PLEKHG2: variants seen among roughly 807,000 people sequenced by gnomAD.
PLEKHG2 encodes pleckstrin homology domain-containing family G member 2.
Under a neutral mutation model 104.4 loss-of-function variants are expected in PLEKHG2, and 71 were observed. The observed-to-expected ratio is 0.68, with a 90% CI of 0.56 to 0.83. PLEKHG2 has a LOEUF of 0.83. PLEKHG2 is among the 40% of genes least tolerant of loss of function. PLEKHG2 has a pLI of 0.00. For missense variants in PLEKHG2, 1,730 were observed against 1,809.4 expected (o/e 0.96, Z 0.80); for synonymous variants, 728 against 737.0 (o/e 0.99, Z 0.20).
Position 39,415,013 on chromosome 19 carries a change from C to G in PLEKHG2, c.131C>G (p.Ala44Gly). ...GCAGCTCCTGCAGCCCCCACCATGG[C>G]CTCCCCCCGAGGTTCTGGGAGCTCC... ...TRTAPAAPTM[A>G]SPRGSGSSTS... Residue 44 changes from alanine (A) to glycine (G), a missense_variant, in exon 3 of 19, where the codon GCC becomes GGC. Physicochemically the swap from Ala to Gly is moderately conservative, Grantham distance 60 (BLOSUM62 0). Transcript: ENST00000425673. This position sits in a 1 kb window ranked among gnomAD's most constrained non-coding sequence, Gnocchi z 4.6. The G allele has an allele frequency of 6.3e-7, 1 of 1,596,496 alleles. No homozygotes were observed.
Position 39,423,004 on chromosome 19 carries a change from T to C in PLEKHG2, c.1950T>C (p.Ile650=), listed in dbSNP as rs1312522968. 3.7e-6 allele frequency: 6 copies of C among 1,614,072 alleles called. No homozygotes were observed. Among genetic ancestry groups the C allele is most frequent in the Non-Finnish European group, 5.1e-6 (6 of 1,180,038 alleles). The change falls in exon 18 of 19, where the codon ATT becomes ATC. Residue 650 remains isoleucine, a synonymous_variant. Coordinates refer to ENST00000425673, the MANE Select transcript of PLEKHG2 (RefSeq NM_022835.3). The part of the protein sequence containing the change: ...NLPEIPSRCE[I]PEGSRLPSLS... ...CTGAAATTCCCAGCCGCTGTGAAAT[T>C]CCCGAAGGTTCTCGCCTTCCTAGTC...
Position 39,425,406 on chromosome 19 carries a change from T to C in PLEKHG2, c.*112T>C. 1 of 1,448,404 alleles carries C rather than the reference T, an allele frequency of 6.9e-7. No homozygotes were observed. The allele number at this position is 1,448,404 out of a possible 1,614,324, so 89.7% of individuals were successfully genotyped here. On this transcript the variant is annotated 3_prime_UTR_variant, in exon 19 of 19. Transcript: ENST00000425673. ...CGCAGGCCTCAAAACTGCTGCGGCC[T>C]TCCAACTCCTGGTATCTGCATCGGC...
Position 39,428,092 on chromosome 19 carries a change from C to T in PLEKHG2, c.*2798C>T, listed in dbSNP as rs962553370. On this transcript the variant is annotated 3_prime_UTR_variant, in exon 19 of 19. Coordinates refer to ENST00000425673, the MANE Select transcript of PLEKHG2 (RefSeq NM_022835.3). ...GGCGTGGTGGTGGGTGCCGGTAATCCTAGCTACTCAGGAGGCTGAGGCAGG... is the reference window on the plus strand; with the variant it reads ...GGCGTGGTGGTGGGTGCCGGTAATCTTAGCTACTCAGGAGGCTGAGGCAGG... 6.6e-6 allele frequency: 1 copy of T among 152,110 alleles called. No homozygotes were observed. Among genetic ancestry groups the T allele is most frequent in the African/African-American group, 2.4e-5 (1 of 41,416 alleles). 9.4% of individuals were successfully genotyped at this position (152,110 alleles called of 1,614,324 possible). A position where few individuals can be genotyped will look rare whatever the true frequency, so the allele number is the denominator to read the frequency against.
At chr19:39,421,904 C>A in intron 16 of PLEKHG2, 1 of 403,332 alleles carries the variant, frequency 2.5e-6, no homozygotes, top group Non-Finnish European at 4.3e-6. Context: ...GTAATCCCAG[C>A]TACTCAGGAG....
chr19:39,421,130 G>A lies in PLEKHG2; in HGVS notation c.1486+17G>A, dbSNP rs781735502. On this transcript the variant is annotated intron_variant, in intron 15 of 18. Coordinates refer to ENST00000425673, the MANE Select transcript of PLEKHG2 (RefSeq NM_022835.3). ...CACAGAACGGTCAGTGACTGCCCCG[G>A]TTCAGCCTGGTCCATCCCTGTCTGT... 4.5e-6 allele frequency: 7 copies of A among 1,568,484 alleles called. No homozygotes were observed. The African/African-American group carries it at 6.8e-5, about 15-fold the overall frequency.
At chr19:39,419,387 G>C (rs31724) in intron 11 of PLEKHG2, among the ~76,000 whole-genome samples, 1 of 151,898 alleles carries the variant, frequency 6.6e-6, no homozygotes, top group Non-Finnish European at 1.5e-5. Flanking sequence ...ATTTAAGCCC[G>C]GGAGTTCGAT....
At chr19:39,419,300 A>G (rs2078659700) in intron 11 of PLEKHG2, among the ~76,000 whole-genome samples, 1 of 152,208 alleles carries the variant, frequency 6.6e-6, no homozygotes, top group Admixed American at 6.5e-5. Flanking sequence ...GGCTTGACCA[A>G]TAGAAGCACC....
At chr19:39,417,784 C>T in intron 8 of PLEKHG2, 92 bp downstream of exon 8, 1 of 1,517,552 alleles carries the variant, frequency 6.6e-7, no homozygotes, top group Admixed American at 2.0e-5. Context: ...TCAGAGGTAG[C>T]CTTGGAGGGT....
chr19:39,420,757 C>T lies in PLEKHG2; in HGVS notation c.1304C>T (p.Pro435Leu). ...CCCAAAACTCTCCCCACAGGTGCCC[C>T]CAAAAGTAAGCCTGTCCTAGAGCCC... ...VLLENSLHCA[P>L]KSKPVLEPLT... is the part of the protein sequence containing the mutation. Residue 435 changes from proline (P) to leucine (L), a missense_variant, in exon 13 of 19, where the codon CCC becomes CTC. Transcript: ENST00000425673. 1.2e-6 allele frequency: 2 copies of T among 1,614,138 alleles called. No homozygotes were observed. Among genetic ancestry groups the T allele is most frequent in the Non-Finnish European group, 1.7e-6 (2 of 1,180,014 alleles).
At chr19:39,418,606 C>A in intron 9 of PLEKHG2, 128 bp from the exon 10 acceptor site, 1 of 679,264 alleles carries the variant, frequency 1.5e-6, no homozygotes, top group Non-Finnish European at 2.5e-6. Context: ...AGGAAACCCA[C>A]CATACAGCCT....
intron 8 of PLEKHG2, 22 bp from the exon 9 acceptor site, chr19:39,417,883 G>A (rs758388414): frequency 4.4e-5 from 67 of 1,530,472 alleles, no homozygotes; most frequent in African/African-American, 3.3e-4. Context: ...GCGCCCCGGC[G>A]CACCTGGCGG....
chr19:39,417,695 G>T lies in PLEKHG2; in HGVS notation c.882+3G>T. 1 of 1,612,774 alleles carries T rather than the reference G, an allele frequency of 6.2e-7. No homozygotes were observed. The highest frequency in any genetic ancestry group is 8.5e-7 in the Non-Finnish European group (1 of 1,179,772). On this transcript the variant is annotated splice_donor_region_variant and intron_variant, in intron 8 of 18. Coordinates refer to ENST00000425673, the MANE Select transcript of PLEKHG2 (RefSeq NM_022835.3). ...AGGAGCATGCAGCGCGCCTCCAGGTGGCCCCAGGGTGGGCTGGGGCTTGCT... is the reference window on the plus strand; with the variant it reads ...AGGAGCATGCAGCGCGCCTCCAGGTTGCCCCAGGGTGGGCTGGGGCTTGCT...
Position 39,424,937 on chromosome 19 carries a change from GCTC to G in PLEKHG2, c.3807_3809del (p.Leu1270del). The stretch of plus-strand genomic sequence containing the variant: ...ATAGTCCCCCACCTTCCAGCCGTCA[GCTC>G]CTGGGCCCCAATGCAGCTGCCCTCT... On this transcript the variant is annotated inframe_deletion, in exon 19 of 19. Transcript: ENST00000425673. The G allele has an allele frequency of 1.9e-6, 3 of 1,614,224 alleles. No individual in the cohort carries two copies. Among genetic ancestry groups the G allele is most frequent in the Non-Finnish European group, 2.5e-6 (3 of 1,180,042 alleles).
chr19:39,419,616 G>T (rs940150751), intron 11 of PLEKHG2, among the ~76,000 whole-genome samples: 2 of 151,210 alleles, frequency 1.3e-5, no homozygotes, highest in African/African-American at 4.8e-5. Context: ...GGTGGCTCAT[G>T]CCTGTAATCC....
In PLEKHG2 at chr19:39,423,808, C is replaced by T; in HGVS notation, c.2675C>T (p.Pro892Leu). ...FPLTCAQESV[P>L]LGPAVWVQAA... ...CTGACATGTGCCCAGGAGTCTGTCC[C>T]CCTGGGTCCTGCTGTCTGGGTTCAA... The change falls in exon 19 of 19, where the codon CCC becomes CTC. Residue 892 changes from proline (P) to leucine (L), a missense_variant. Pro to Leu is a moderately conservative substitution (Grantham distance 98, BLOSUM62 -3). Transcript: ENST00000425673. The T allele has an allele frequency of 6.2e-7, 1 of 1,614,186 alleles. No homozygotes were observed. Among genetic ancestry groups the T allele is most frequent in the Non-Finnish European group, 8.5e-7 (1 of 1,180,026 alleles).
Position 39,418,117 on chromosome 19 carries a change from G to A in PLEKHG2, c.1083+12G>A. ...AAGGCCACATCTTCGTGAGTTTGGG[G>A]ATGGGGTGGGGCTAGAATACTACCT... On this transcript the variant is annotated intron_variant, in intron 9 of 18. Coordinates refer to ENST00000425673, the MANE Select transcript of PLEKHG2 (RefSeq NM_022835.3). 1 of 1,496,028 alleles carries A rather than the reference G, an allele frequency of 6.7e-7. No homozygotes were observed. Among genetic ancestry groups the A allele is most frequent in the Non-Finnish European group, 8.9e-7 (1 of 1,124,332 alleles). The allele number at this position is 1,496,028 out of a possible 1,614,324, so 92.7% of individuals were successfully genotyped here.
Position 39,415,005 on chromosome 19 carries a change from C to A in PLEKHG2, c.123C>A (p.Pro41=), listed in dbSNP as rs766439909. The part of the protein sequence containing the change: ...VCETRTAPAA[P]TMASPRGSGS... The stretch of plus-strand genomic sequence containing the variant: ...ACACCCCAGCAGCTCCTGCAGCCCC[C>A]ACCATGGCCTCCCCCCGAGGTTCTG... The change falls in exon 3 of 19, where the codon CCC becomes CCA. Residue 41 remains proline, a synonymous_variant. Coordinates refer to ENST00000425673, the MANE Select transcript of PLEKHG2 (RefSeq NM_022835.3). This position sits in a 1 kb window ranked among gnomAD's most constrained non-coding sequence, Gnocchi z 4.6. The A allele has an allele frequency of 5.0e-6, 8 of 1,596,664 alleles. No homozygotes were observed. In the Admixed American group the frequency reaches 8.5e-5, roughly 17 times the overall value.
chr19:39,421,369 TC>T, intron 16 of PLEKHG2, 70 bp downstream of exon 16: 1 of 1,519,720 alleles, frequency 6.6e-7, no homozygotes, highest in East Asian at 2.3e-5. Context: ...GAGCTTGAGT[TC>T]CAAAATCCTG....
chr19:39,421,419 C>T, intron 16 of PLEKHG2, 120 bp downstream of exon 16: 1 of 1,117,610 alleles, frequency 8.9e-7, no homozygotes, highest in Non-Finnish European at 1.3e-6. Flanking sequence ...GACAGAGTAA[C>T]TCATGCCTGT....
Sources: allele counts gnomAD v4.1 joint callset (sites outside exome capture counted in the v4.1 genomes callset), GRCh38; gene constraint gnomAD v4.1.1; non-coding constraint Gnocchi (gnomAD v3.1); transcripts MANE v1.5; gene names NCBI Gene and HGNC (gene_info 2026-07-23, HGNC 2026-07-21).